The following EXOC4 variants were observed in gnomAD, a reference collection of about 807,000 sequenced individuals.
EXOC4 encodes the protein SEC8-like 1.
Under a neutral mutation model 107.2 loss-of-function variants are expected in EXOC4, and 71 were observed. That is an observed-to-expected ratio of 0.66 (90% CI 0.55 to 0.81). The LOEUF (loss-of-function observed/expected upper bound fraction) is 0.81. EXOC4 is among the 30% of genes least tolerant of loss of function. The pLI, the probability that EXOC4 is intolerant of heterozygous loss-of-function variation, is 0.00. For missense variants in EXOC4, 1,108 were observed against 1,189.6 expected (o/e 0.93, Z 1.01); for synonymous variants, 456 against 441.2 (o/e 1.03, Z -0.42).
At chr7:133,437,576 A>G (rs1213780300) in intron 7 of EXOC4, among the ~76,000 whole-genome samples, 2 of 152,214 alleles carry the variant, frequency 1.3e-5, no homozygotes, top group African/African-American at 4.8e-5. Flanking sequence ...CTTTGTTACC[A>G]TTTTAAGATC....
At chr7:133,253,984 T>G (rs1335265319) in intron 1 of EXOC4, 1 of 152,140 alleles carries the variant, frequency 6.6e-6, no homozygotes, top group Non-Finnish European at 1.5e-5. Context: ...CTAAATAAAA[T>G]TTATTATGGC....
At chr7:133,464,142 T>A (rs1287725846) in intron 7 of EXOC4, among the ~76,000 whole-genome samples, 3 of 152,216 alleles carry the variant, frequency 2.0e-5, no homozygotes, top group East Asian at 3.8e-4. Flanking sequence ...ATTAAAAAAA[T>A]TCTCATTTAA....
chr7:133,295,181 G>A (rs1794491076), intron 3 of EXOC4, among the ~76,000 whole-genome samples: 2 of 152,068 alleles, frequency 1.3e-5, no homozygotes, highest in Admixed American at 6.6e-5. Flanking sequence ...AGTAGGGTTG[G>A]ATTAAGCAGT....
chr7:133,343,112 C>G (rs1181962885), intron 5 of EXOC4, among the ~76,000 whole-genome samples: 1 of 151,974 alleles, frequency 6.6e-6, no homozygotes, highest in East Asian at 1.9e-4. Context: ...GTCATATTAC[C>G]AGAATTGTTT....
chr7:133,441,819 G>A (rs1214702225), intron 7 of EXOC4, among the ~76,000 whole-genome samples: 2 of 152,214 alleles, frequency 1.3e-5, no homozygotes, highest in African/African-American at 4.8e-5. Context: ...TTAAGCCTGT[G>A]TGTTTGTGTG....
At chr7:133,564,413 T>C (rs62469991) in intron 9 of EXOC4, among the ~76,000 whole-genome samples, 15,449 of 152,180 alleles carry the variant, frequency 0.1, 896 homozygotes, top group East Asian at 0.2. Context: ...CCTACCAGGC[T>C]CTACCTCCAG....
At chr7:133,396,918 G>T (rs571030010) in intron 7 of EXOC4, among the ~76,000 whole-genome samples, 8 of 152,140 alleles carry the variant, frequency 5.3e-5, no homozygotes, top group Non-Finnish European at 8.8e-5. Context: ...GCTGAAGTTT[G>T]CTTTTACCTG....
At chr7:133,792,568 A>AAC (rs1372259256) in intron 10 of EXOC4, among the ~76,000 whole-genome samples, 1 of 151,582 alleles carries the variant, frequency 6.6e-6, no homozygotes, top group African/African-American at 2.4e-5. Context: ...AAAAAAAAAA[A>AAC]AAAAACCTAA....
intron 13 of EXOC4, among the ~76,000 whole-genome samples, chr7:133,929,330 G>A (rs1317554313): frequency 1.3e-5 from 2 of 151,804 alleles, no homozygotes; most frequent in African/African-American, 4.8e-5. Context: ...GATTAGTGTA[G>A]GTTATTTAAC....
intron 11 of EXOC4, among the ~76,000 whole-genome samples, chr7:133,867,220 C>G (rs1563034920): frequency 6.6e-6 from 1 of 152,234 alleles, no homozygotes; most frequent in Non-Finnish European, 1.5e-5. Flanking sequence ...TATTTATCTT[C>G]CCTGTGCCTC....
chr7:133,289,051 C>T lies in EXOC4; in HGVS notation c.406C>T (p.Gln136Ter). ...GTTGGATGAAATTGAGAATATCAAG[C>T]AAGTGCCTCAAAAGCTGGAACAGTG... is the stretch of plus-strand genomic sequence containing the variant. ...NLLDEIENIKQVPQKLEQCMA... is the reference protein window; with the variant it reads ...NLLDEIENIK The change falls in exon 3 of 18, where the codon CAA becomes TAA. Residue 136 changes from glutamine (Q) to a stop codon, truncating the protein, a stop_gained. Coordinates refer to ENST00000253861, the MANE Select transcript of EXOC4 (RefSeq NM_021807.4). LOFTEE classifies it high-confidence loss of function. The T allele has an allele frequency of 6.2e-7, 1 of 1,614,180 alleles. No individual in the cohort carries two copies. The highest frequency in any genetic ancestry group is 8.5e-7 in the Non-Finnish European group (1 of 1,180,012).
At chr7:133,810,495 T>C (rs1349899996) in intron 10 of EXOC4, among the ~76,000 whole-genome samples, 1 of 152,210 alleles carries the variant, frequency 6.6e-6, no homozygotes, top group African/African-American at 2.4e-5. Flanking sequence ...GTATTGCATA[T>C]GTACATACAT....
chr7:133,458,856 C>G (rs1798523509), intron 7 of EXOC4, among the ~76,000 whole-genome samples: 1 of 137,042 alleles, frequency 7.3e-6, no homozygotes, highest in South Asian at 2.6e-4. Context: ...TGATAGCCCT[C>G]CCTCCCACCC....
intron 7 of EXOC4, among the ~76,000 whole-genome samples, chr7:133,399,262 A>G (rs1282192330): frequency 6.6e-6 from 1 of 152,198 alleles, no homozygotes; most frequent in Non-Finnish European, 1.5e-5. Context: ...TTTTTTGTAC[A>G]GATTATATAT....
chr7:133,481,057 G>GGA (rs1554460633), intron 9 of EXOC4: 2 of 142,402 alleles, frequency 1.4e-5, no homozygotes, highest in Non-Finnish European at 3.0e-5. Context: ...CTCAAAAAAA[G>GGA]AAAAAAAAAA....
chr7:133,275,887 C>T (rs895321831), intron 2 of EXOC4, among the ~76,000 whole-genome samples: 2 of 151,280 alleles, frequency 1.3e-5, no homozygotes, highest in Non-Finnish European at 2.9e-5. Context: ...ATCACTGAAG[C>T]CTTGAATTCC....
chr7:133,475,122 T>G (rs1798980086), intron 7 of EXOC4, among the ~76,000 whole-genome samples: 1 of 152,186 alleles, frequency 6.6e-6, no homozygotes. Flanking sequence ...CCACCCCGCC[T>G]CTTCCCCATG....
chr7:133,494,355 C>T (rs1424068398), intron 9 of EXOC4, among the ~76,000 whole-genome samples: 1 of 152,132 alleles, frequency 6.6e-6, no homozygotes, highest in African/African-American at 2.4e-5. Context: ...AAGGTTACAG[C>T]TGATCTGAAA....
intron 14 of EXOC4, among the ~76,000 whole-genome samples, chr7:133,977,514 C>G (rs567369877): frequency 6.6e-6 from 1 of 152,146 alleles, no homozygotes; most frequent in African/African-American, 2.4e-5. Context: ...CCTATAGGAA[C>G]GGTGCCATAA....
Sources: allele counts gnomAD v4.1 joint callset (sites outside exome capture counted in the v4.1 genomes callset), GRCh38; gene constraint gnomAD v4.1.1; transcripts MANE v1.5; gene names NCBI Gene and HGNC (gene_info 2026-07-23, HGNC 2026-07-21).